Variants in PBX2 observed in about 807,000 individuals in gnomAD.
The protein encoded by PBX2 is PBX homeobox 2.
Under a neutral mutation model 46.5 loss-of-function variants are expected in PBX2, and 10 were observed. The ratio of observed to expected loss-of-function variants is 0.21; its 90% CI spans 0.13 to 0.36. The LOEUF is 0.36. Ranked by LOEUF, PBX2 falls within the 10% of genes least tolerant of loss-of-function variation. The pLI is 1.00. For missense variants in PBX2, 392 were observed against 580.5 expected (o/e 0.68, Z 3.34); for synonymous variants, 160 against 222.5 (o/e 0.72, Z 2.50).
At position 32,185,296 on chromosome 6, in the gene PBX2, G is replaced by C. The variant is rs917119507; in HGVS notation, c.*1086C>G. ...AGGGTTGTGGGAAGAAGGGGGATGA[G>C]AGGCCAGCAGGGCAAGCCCTTCACT... is the stretch of plus-strand genomic sequence containing the variant. On this transcript the variant is annotated 3_prime_UTR_variant, in exon 9 of 9. Coordinates refer to ENST00000375050, the MANE Select transcript of PBX2 (RefSeq NM_002586.5). The C allele has an allele frequency of 5.4e-4, 83 of 152,496 alleles. No homozygotes were observed. Among genetic ancestry groups the C allele is most frequent in the Non-Finnish European group, 3.2e-4 (22 of 68,002 alleles). The allele number at this position is 152,496 out of a possible 1,614,324, so 9.4% of individuals were successfully genotyped here.
In PBX2 at chr6:32,186,346, T is replaced by C; in HGVS notation, c.*36A>G. On this transcript the variant is annotated 3_prime_UTR_variant, in exon 9 of 9. Transcript: ENST00000375050. This position sits in a 1 kb window ranked among gnomAD's most constrained non-coding sequence, Gnocchi z 4.2. ...CCTGCGTCCTCTTCAAGTCGCCTTG[T>C]GAGAGCCCCCACCCCTGTGACCCTG... The C allele has an allele frequency of 6.8e-7, 1 of 1,472,116 alleles. No homozygotes were observed. Among genetic ancestry groups the C allele is most frequent in the Non-Finnish European group, 9.5e-7 (1 of 1,054,990 alleles). The allele number at this position is 1,472,116 out of a possible 1,614,324, so 91.2% of individuals were successfully genotyped here.
At position 32,189,176 on chromosome 6, in the gene PBX2, TGG is replaced by T; in HGVS notation, c.222-382_222-381del. The T allele has an allele frequency of 2.8e-6, 1 of 356,424 alleles. No homozygotes were observed. The highest frequency in any genetic ancestry group is 5.3e-6 in the Non-Finnish European group (1 of 189,256). The allele number at this position is 356,424 out of a possible 1,614,324, so 22.1% of individuals were successfully genotyped here. On this transcript the variant is annotated intron_variant, in intron 1 of 8. Transcript: ENST00000375050. The surrounding 1 kb of genome is among the most constrained non-coding windows in gnomAD (Gnocchi z 4.7). ...AGAGTTTGAGGTGGCAGAGTGGGGC[TGG>T]GGGTGCCGAGCTAACTGGGGAGATC...
In PBX2 at chr6:32,189,414, G is replaced by A. The variant is rs1787298786; in HGVS notation, c.221+281C>T. Among the ~76,000 whole-genome samples the A allele has an allele frequency of 6.6e-6, 1 of 152,078 alleles. No individual in the cohort carries two copies. The highest frequency in any genetic ancestry group is 6.5e-5 in the Admixed American group (1 of 15,278). ...TTTCTTAGTCTGGGAGCCAGAGGGG[G>A]CTCCCGGGGATGGGGCTGTTCCAGG... is the stretch of plus-strand genomic sequence containing the variant. On this transcript the variant is annotated intron_variant, in intron 1 of 8. Coordinates refer to ENST00000375050, the MANE Select transcript of PBX2 (RefSeq NM_002586.5). This position sits in a 1 kb window ranked among gnomAD's most constrained non-coding sequence, Gnocchi z 4.7.
rs1228318544 is a variant in PBX2, at chr6:32,186,977, G to T, written c.1025-76C>A. On this transcript the variant is annotated intron_variant, in intron 6 of 8. Transcript: ENST00000375050. This position sits in a 1 kb window ranked among gnomAD's most constrained non-coding sequence, Gnocchi z 4.2. The stretch of plus-strand genomic sequence containing the variant: ...ATGAACCACAACTCTCAACTCTTGT[G>T]GGGACATGCTACTATACTCCAATTA... 25 of 1,307,400 alleles carry T rather than the reference G, an allele frequency of 1.9e-5. No homozygotes were observed. The highest frequency in any genetic ancestry group is 2.6e-5 in the Non-Finnish European group (24 of 906,958). The allele number at this position is 1,307,400 out of a possible 1,614,324, so 81.0% of individuals were successfully genotyped here.
At position 32,188,463 on chromosome 6, in the gene PBX2, G is replaced by C; in HGVS notation, c.337C>G (p.Pro113Ala). The C allele has an allele frequency of 6.2e-7, 1 of 1,614,018 alleles. No homozygotes were observed. Among genetic ancestry groups the C allele is most frequent in the Non-Finnish European group, 8.5e-7 (1 of 1,179,996 alleles). Residue 113 changes from proline (P) to alanine (A), a missense_variant, in exon 3 of 9, where the codon CCA becomes GCA. This residue lies in a region of PBX2 where 196 missense variants were observed against 246.9 expected (regional missense o/e 0.79). Transcript: ENST00000375050. The surrounding 1 kb of genome is among the most constrained non-coding windows in gnomAD (Gnocchi z 6.5). ...ATGTTGTCCAAGCGCATCAGCTGTG[G>C]GTCCACCGGCTCCTCCTCCTGGGAG... is the stretch of plus-strand genomic sequence containing the variant. Reference protein sequence around the residue: ...RSSQEEEPVDPQLMRLDNMLL... With the variant: ...RSSQEEEPVDAQLMRLDNMLL...
chr6:32,186,653 T>C lies in PBX2; in HGVS notation c.1151A>G (p.Tyr384Cys), dbSNP rs377385039. 6.2e-7 allele frequency: 1 copy of C among 1,613,210 alleles called. No homozygotes were observed. The highest frequency in any genetic ancestry group is 8.5e-7 in the Non-Finnish European group (1 of 1,179,266). ...CTGGCCTCCCCCGAGGTTATCCCCA[T>C]AGCCCCCTGGCCCCATCGAGTGTCG... is the stretch of plus-strand genomic sequence containing the variant. The part of the protein sequence containing the change: ...SLRHSMGPGG[Y>C]GDNLGGGQMY... The change falls in exon 8 of 9, where the codon TAT becomes TGT. Residue 384 changes from tyrosine to cysteine, a missense_variant. Physicochemically the swap from Tyr to Cys is radical, Grantham distance 194. Coordinates refer to ENST00000375050, the MANE Select transcript of PBX2 (RefSeq NM_002586.5). The surrounding 1 kb of genome is among the most constrained non-coding windows in gnomAD (Gnocchi z 4.2).
In PBX2 at chr6:32,189,028, G is replaced by C. The variant is rs1787276809; in HGVS notation, c.222-232C>G. The C allele has an allele frequency of 1.8e-6, 1 of 563,880 alleles. No homozygotes were observed. Among genetic ancestry groups the C allele is most frequent in the Non-Finnish European group, 3.2e-6 (1 of 314,478 alleles). The allele number at this position is 563,880 out of a possible 1,614,324, so 34.9% of individuals were successfully genotyped here. A position where few individuals can be genotyped will look rare whatever the true frequency, so the allele number is the denominator to read the frequency against. On this transcript the variant is annotated intron_variant, in intron 1 of 8. Coordinates refer to ENST00000375050, the MANE Select transcript of PBX2 (RefSeq NM_002586.5). This position sits in a 1 kb window ranked among gnomAD's most constrained non-coding sequence, Gnocchi z 4.7. The stretch of plus-strand genomic sequence containing the variant: ...GGGAAGATGCAGGCAGCAGGTTAAA[G>C]GCTGCGGGCTTTGGGAGATGGTCTA...
Position 32,188,904 on chromosome 6 carries a change from C to A in PBX2, c.222-108G>T. On this transcript the variant is annotated intron_variant, in intron 1 of 8. Coordinates refer to ENST00000375050, the MANE Select transcript of PBX2 (RefSeq NM_002586.5). This position sits in a 1 kb window ranked among gnomAD's most constrained non-coding sequence, Gnocchi z 6.5. ...AGGGTCAGTCTGCGGAGGGAGGAAG[C>A]GGATTGGGGGTGGAATGAGTTGGGG... 2 of 900,192 alleles carry A rather than the reference C, an allele frequency of 2.2e-6. No individual in the cohort carries two copies. Among genetic ancestry groups the A allele is most frequent in the South Asian group, 1.4e-5 (1 of 70,280 alleles). The allele number at this position is 900,192 out of a possible 1,614,324, so 55.8% of individuals were successfully genotyped here.
chr6:32,189,976 C>A lies in PBX2; in HGVS notation c.-61G>T. The A allele has an allele frequency of 1.3e-6, 1 of 773,948 alleles. No homozygotes were observed. The highest frequency in any genetic ancestry group is 1.9e-6 in the Non-Finnish European group (1 of 523,754). 47.9% of individuals were successfully genotyped at this position (773,948 alleles called of 1,614,324 possible). ...CGCCCCTCCCCCCGCCTGGTTACTT[C>A]TCCCCCCAAACTCGCTGGGGCCGCT... On this transcript the variant is annotated 5_prime_UTR_variant, in exon 1 of 9. Transcript: ENST00000375050. This position sits in a 1 kb window ranked among gnomAD's most constrained non-coding sequence, Gnocchi z 4.7.
In PBX2 at chr6:32,186,512, C is replaced by T. The variant is rs766347920; in HGVS notation, c.1201-38G>A. ...ACAGAGTACAGAAAACAGAGAAAGC[C>T]CTGGGAACCCTGTGTGGGCACAACA... On this transcript the variant is annotated intron_variant, in intron 8 of 8. Coordinates refer to ENST00000375050, the MANE Select transcript of PBX2 (RefSeq NM_002586.5). The surrounding 1 kb of genome is among the most constrained non-coding windows in gnomAD (Gnocchi z 4.2). 89 of 1,593,058 alleles carry T rather than the reference C, an allele frequency of 5.6e-5. No homozygotes were observed. Among genetic ancestry groups the T allele is most frequent in the Non-Finnish European group, 7.5e-5 (87 of 1,161,130 alleles).
rs373170561 is a variant in PBX2, at chr6:32,186,857, G to A, written c.1069C>T (p.Leu357=). The change falls in exon 7 of 9, where the codon CTG becomes TTG. Residue 357 remains leucine (L), a synonymous_variant. Transcript: ENST00000375050. This position sits in a 1 kb window ranked among gnomAD's most constrained non-coding sequence, Gnocchi z 4.2. The stretch of plus-strand genomic sequence containing the variant: ...TCTCCGTTGAGCCCAGGCATCCCCA[G>A]AAACATGTCTCCAGATCCTGAGAGA... The part of the protein sequence containing the change: ...FNLSGSGDMF[L]GMPGLNGDSY... The A allele has an allele frequency of 6.2e-7, 1 of 1,614,018 alleles. No homozygotes were observed. The highest frequency in any genetic ancestry group is 1.7e-5 in the Admixed American group (1 of 59,994).
chr6:32,188,348 G>T lies in PBX2; in HGVS notation c.452C>A (p.Ser151Tyr), dbSNP rs148690843. The T allele has an allele frequency of 3.1e-6, 5 of 1,614,170 alleles. No individual in the cohort carries two copies. The highest frequency in any genetic ancestry group is 1.1e-5 in the South Asian group (1 of 91,084). Residue 151 changes from serine to tyrosine, a missense_variant, in exon 3 of 9, where the codon TCC (serine) becomes TAC (tyrosine). Around this residue, in one of 3 missense-constraint regions of PBX2, gnomAD observed 196 missense variants for 246.9 expected, o/e 0.79. Coordinates refer to ENST00000375050, the MANE Select transcript of PBX2 (RefSeq NM_002586.5). This position sits in a 1 kb window ranked among gnomAD's most constrained non-coding sequence, Gnocchi z 6.5. ...AAAAASGGGVSPDNSIEHSDY... is the reference protein window; with the variant it reads ...AAAAASGGGVYPDNSIEHSDY... ...CGAGTGTTCGATGGAGTTGTCAGGG[G>T]ACACACCACCACCAGAGGCTGCAGC... is the stretch of plus-strand genomic sequence containing the variant.
chr6:32,190,168 G>A lies in PBX2; in HGVS notation c.-253C>T, dbSNP rs946118291. On this transcript the variant is annotated 5_prime_UTR_variant, in exon 1 of 9. Coordinates refer to ENST00000375050, the MANE Select transcript of PBX2 (RefSeq NM_002586.5). ...CCGGAGAGAGAGAGGAGGCCCAAGC[G>A]GGGGTGTGTGTGAGAGAGAGGGAGG... 5 of 360,354 alleles carry A rather than the reference G, an allele frequency of 1.4e-5. No individual in the cohort carries two copies. Among genetic ancestry groups the A allele is most frequent in the African/African-American group, 2.1e-5 (1 of 47,166 alleles). The allele number at this position is 360,354 out of a possible 1,614,324, so 22.3% of individuals were successfully genotyped here.
rs372961290 is a variant in PBX2, at chr6:32,186,874, C to T, written c.1052G>A (p.Gly351Glu). 447 of 1,614,014 alleles carry T rather than the reference C, an allele frequency of 2.8e-4. 11 individuals carry two copies. In the South Asian group the frequency reaches 4.4e-3, roughly 16 times the overall value. The change falls in exon 7 of 9, where the codon GGA (glycine) becomes GAA (glutamate). Residue 351 changes from glycine (G) to glutamate (E), a missense_variant. By Grantham distance (98) the Gly-to-Glu change is moderately conservative (BLOSUM62 -2). This residue lies in a region of PBX2 where 116 missense variants were observed against 157.9 expected (regional missense o/e 0.73). Coordinates refer to ENST00000375050, the MANE Select transcript of PBX2 (RefSeq NM_002586.5). The surrounding 1 kb of genome is among the most constrained non-coding windows in gnomAD (Gnocchi z 4.2). The part of the protein sequence containing the change: ...AGSGGSFNLS[G>E]SGDMFLGMPG... ...CATCCCCAGAAACATGTCTCCAGAT[C>T]CTGAGAGATTGAAAGAGCCGCCAGA...
In PBX2 at chr6:32,186,268, T is replaced by C. The variant is rs1787135336; in HGVS notation, c.*114A>G. 3 of 692,440 alleles carry C rather than the reference T, an allele frequency of 4.3e-6. No individual in the cohort carries two copies. In the Admixed American group the frequency reaches 7.1e-5, roughly 16 times the overall value. The allele number at this position is 692,440 out of a possible 1,614,324, so 42.9% of individuals were successfully genotyped here. On this transcript the variant is annotated 3_prime_UTR_variant, in exon 9 of 9. Transcript: ENST00000375050. This position sits in a 1 kb window ranked among gnomAD's most constrained non-coding sequence, Gnocchi z 4.2. ...TCTCGTTAGGGAGGGGATGACCCCATTGGCCCTTCTCTGTCTTGTGCTTCT... is the reference window on the plus strand; with the variant it reads ...TCTCGTTAGGGAGGGGATGACCCCACTGGCCCTTCTCTGTCTTGTGCTTCT...
At position 32,190,044 on chromosome 6, in the gene PBX2, G is replaced by A. The variant is rs1164976535; in HGVS notation, c.-129C>T. The A allele has an allele frequency of 2.0e-6, 1 of 511,746 alleles. No homozygotes were observed. The highest frequency in any genetic ancestry group is 2.1e-5 in the African/African-American group (1 of 48,712). 31.7% of individuals were successfully genotyped at this position (511,746 alleles called of 1,614,324 possible). A position where few individuals can be genotyped will look rare whatever the true frequency, so the allele number is the denominator to read the frequency against. ...CCCCGCCCGTCTGCCCCCGGCTCCC[G>A]GCTCCCCCGGGGGTTCACCCCGGCA... On this transcript the variant is annotated 5_prime_UTR_variant, in exon 1 of 9. Transcript: ENST00000375050.
Position 32,186,773 on chromosome 6 carries a change from G to A in PBX2, c.1113+40C>T, listed in dbSNP as rs915297137. ...TGTATCCTAAAGTAGAGGAAATGGA[G>A]TTGGGGAAAGCCCTATTCGAGAGGA... On this transcript the variant is annotated intron_variant, in intron 7 of 8. Transcript: ENST00000375050. The surrounding 1 kb of genome is among the most constrained non-coding windows in gnomAD (Gnocchi z 4.2). 2 of 1,601,348 alleles carry A rather than the reference G, an allele frequency of 1.2e-6. No individual in the cohort carries two copies. The highest frequency in any genetic ancestry group is 1.7e-6 in the Non-Finnish European group (2 of 1,168,514).
In PBX2 at chr6:32,189,107, A is replaced by G; in HGVS notation, c.222-311T>C. 2.1e-6 allele frequency: 1 copy of G among 484,098 alleles called. No individual in the cohort carries two copies. 30.0% of individuals were successfully genotyped at this position (484,098 alleles called of 1,614,324 possible). On this transcript the variant is annotated intron_variant, in intron 1 of 8. Transcript: ENST00000375050. This position sits in a 1 kb window ranked among gnomAD's most constrained non-coding sequence, Gnocchi z 4.7. ...GATGGAGAAAGGAAAGTGACTTGGT[A>G]GGTTTCAGAGGGAGAGAGACAGAGG...
rs541504419 is a variant in PBX2, at chr6:32,189,616, G to C, written c.221+79C>G. 2.2e-5 allele frequency: 24 copies of C among 1,090,782 alleles called. No individual in the cohort carries two copies. The East Asian group carries it at 3.6e-4, about 16-fold the overall frequency. 67.6% of individuals were successfully genotyped at this position (1,090,782 alleles called of 1,614,324 possible). ...GATCCTGGAGAGGGCCCTGGAGTTG[G>C]GGGGGGCTCCCAGAAGATTCAGAAC... On this transcript the variant is annotated intron_variant, in intron 1 of 8. Coordinates refer to ENST00000375050, the MANE Select transcript of PBX2 (RefSeq NM_002586.5). The surrounding 1 kb of genome is among the most constrained non-coding windows in gnomAD (Gnocchi z 4.7).
Sources: allele counts gnomAD v4.1 joint callset (sites outside exome capture counted in the v4.1 genomes callset), GRCh38; gene constraint gnomAD v4.1.1; regional missense constraint gnomAD v4.1.1; non-coding constraint Gnocchi (gnomAD v3.1); transcripts MANE v1.5; gene names NCBI Gene and HGNC (gene_info 2026-07-23, HGNC 2026-07-21).